Variants in TMEM132E observed in about 807,000 individuals in gnomAD.
TMEM132E encodes transmembrane protein 132E.
A neutral mutation model predicts 78.5 loss-of-function variants in TMEM132E; 49 were observed. The observed-to-expected ratio is 0.62, with a 90% CI of 0.50 to 0.79. TMEM132E has a LOEUF of 0.79. Ranked by LOEUF, TMEM132E falls within the 30% of genes least tolerant of loss-of-function variation. TMEM132E has a pLI of 0.00. For synonymous variants in TMEM132E, 715 were observed against 670.6 expected, an observed-to-expected ratio of 1.07 and a Z score of -1.02; for missense variants, 1,403 against 1,470.9, an observed-to-expected ratio of 0.95 and a Z score of 0.75.
chr17:34,629,804 G>A (rs1452986839), intron 4 of TMEM132E, among the ~76,000 whole-genome samples: 3 of 152,122 alleles, frequency 2.0e-5, no homozygotes, highest in African/African-American at 7.2e-5. Context: ...TGAGGTTCCT[G>A]CAAAAGCCCG....
In TMEM132E at chr17:34,626,181, C is replaced by A; in HGVS notation, c.122C>A (p.Pro41Gln). The A allele has an allele frequency of 6.4e-7, 1 of 1,564,404 alleles. No individual in the cohort carries two copies. The highest frequency in any genetic ancestry group is 8.7e-7 in the Non-Finnish European group (1 of 1,155,184). The change falls in exon 2 of 9, where the codon CCG becomes CAG. Residue 41 changes from proline to glutamine, a missense_variant. Around this residue, in one of 3 missense-constraint regions of TMEM132E, gnomAD observed 511 missense variants for 499.0 expected, o/e 1.02. Coordinates refer to ENST00000631683, the MANE Select transcript of TMEM132E (RefSeq NM_001304438.2). The part of the protein sequence containing the change: ...SPSPPGPQAS[P>Q]VLPVSYRLSH... ...AGCCCGCCGGGGCCGCAGGCCAGCC[C>A]GGTGCTGCCAGTCAGCTACCGCCTG...
Position 34,620,067 on chromosome 17 carries a change from T to A in TMEM132E, c.68-6060T>A, listed in dbSNP as rs371197063. On this transcript the variant is annotated intron_variant, in intron 1 of 8. Coordinates refer to ENST00000631683, the MANE Select transcript of TMEM132E (RefSeq NM_001304438.2). ...AGAGGTAGAAGCAGGAGGCATCAGATCTTGATTAGAAGCAGAGACATGGCC... is the reference window on the plus strand; with the variant it reads ...AGAGGTAGAAGCAGGAGGCATCAGAACTTGATTAGAAGCAGAGACATGGCC... 3.3e-5 allele frequency among the ~76,000 whole-genome samples: 5 copies of A among 152,358 alleles called. No homozygotes were observed. In the South Asian group the frequency reaches 8.3e-4, roughly 25 times the overall value.
In TMEM132E at chr17:34,635,061, C is replaced by T; in HGVS notation, c.1951C>T (p.Leu651=). Reference sequence around the variant, plus strand: ...GGTGGACAGCAGCACGCTGGCAGGACTGGAGCCAGGCACCACCCCCTTTAA... The same window carrying T: ...GGTGGACAGCAGCACGCTGGCAGGATTGGAGCCAGGCACCACCCCCTTTAA... ...HMVDSSTLAG[L]EPGTTPFKVV... is the part of the protein sequence containing the mutation. Residue 651 remains leucine (L), a synonymous_variant, in exon 7 of 9, where the codon CTG becomes TTG. Transcript: ENST00000631683. 1 of 1,613,648 alleles carries T rather than the reference C, an allele frequency of 6.2e-7. No homozygotes were observed. The highest frequency in any genetic ancestry group is 8.5e-7 in the Non-Finnish European group (1 of 1,179,776).
chr17:34,623,626 T>C (rs1436408957), intron 1 of TMEM132E, among the ~76,000 whole-genome samples: 3 of 152,038 alleles, frequency 2.0e-5, no homozygotes, highest in African/African-American at 7.2e-5. Context: ...ACTCTCAACA[T>C]CCCTGTGAGG....
intron 1 of TMEM132E, among the ~76,000 whole-genome samples, chr17:34,612,911 G>T (rs1221362725): frequency 6.6e-6 from 1 of 152,056 alleles, no homozygotes; most frequent in African/African-American, 2.4e-5. Context: ...CAGAGTTATT[G>T]TGAGGTTGGG....
Position 34,637,975 on chromosome 17 carries a change from T to C in TMEM132E, c.2968T>C (p.Ser990Pro). ...QSQVHGRGDGSSGGSARDQAE... is the reference protein window; with the variant it reads ...QSQVHGRGDGPSGGSARDQAE... Reference sequence around the variant, plus strand: ...CCAGGTGCACGGCAGGGGCGACGGCTCCTCGGGCGGCTCAGCCCGAGACCA... The same window carrying C: ...CCAGGTGCACGGCAGGGGCGACGGCCCCTCGGGCGGCTCAGCCCGAGACCA... The change falls in exon 9 of 9, where the codon TCC (serine) becomes CCC (proline). Residue 990 changes from serine (S) to proline (P), a missense_variant. Ser to Pro is a moderately conservative substitution (Grantham distance 74, BLOSUM62 -1). Coordinates refer to ENST00000631683, the MANE Select transcript of TMEM132E (RefSeq NM_001304438.2). 1.3e-6 allele frequency: 2 copies of C among 1,594,524 alleles called. No individual in the cohort carries two copies. Among genetic ancestry groups the C allele is most frequent in the Non-Finnish European group, 1.7e-6 (2 of 1,171,750 alleles).
intron 1 of TMEM132E, among the ~76,000 whole-genome samples, chr17:34,599,838 G>A (rs1490584823): frequency 6.6e-6 from 1 of 152,088 alleles, no homozygotes; most frequent in African/African-American, 2.4e-5. Context: ...TGGGGAGGGG[G>A]CCAGAATCAC....
chr17:34,596,150 C>G (rs1906053209), intron 1 of TMEM132E, among the ~76,000 whole-genome samples: 1 of 152,150 alleles, frequency 6.6e-6, no homozygotes, highest in South Asian at 2.1e-4. Context: ...GAGATTTCCC[C>G]TGTCTGGGGT....
At chr17:34,627,467 C>CGTGTGCGTGTGTGT (rs146318983) in intron 2 of TMEM132E, among the ~76,000 whole-genome samples, 37 of 126,540 alleles carry the variant, frequency 2.9e-4, no homozygotes, top group African/African-American at 1.1e-3. Flanking sequence ...CCAAAAGAAT[C>CGTGTGCGTGTGTGT]GTGTGTGTGT....
At chr17:34,623,168 G>C (rs1037925892) in intron 1 of TMEM132E, among the ~76,000 whole-genome samples, 2 of 151,704 alleles carry the variant, frequency 1.3e-5, no homozygotes, top group African/African-American at 4.9e-5. Context: ...TCCTCCCCCA[G>C]GGGGGGTGAG....
At chr17:34,611,221 G>A (rs1178052337) in intron 1 of TMEM132E, among the ~76,000 whole-genome samples, 1 of 152,250 alleles carries the variant, frequency 6.6e-6, no homozygotes, top group African/African-American at 2.4e-5. Flanking sequence ...AGACCTGGGG[G>A]TGTGGGTTGG....
chr17:34,621,851 A>G (rs573814058), intron 1 of TMEM132E, among the ~76,000 whole-genome samples: 18 of 152,094 alleles, frequency 1.2e-4, no homozygotes, highest in Admixed American at 9.2e-4. Flanking sequence ...CTCCCAGGTC[A>G]GTCTGGAGGG....
At position 34,583,125 on chromosome 17, in the gene TMEM132E, T is replaced by A. The variant is rs546108885; in HGVS notation, c.67+1982T>A. Among the ~76,000 whole-genome samples, 36 of 152,352 alleles carry A rather than the reference T, an allele frequency of 2.4e-4. No individual in the cohort carries two copies. In the South Asian group the frequency reaches 5.8e-3, roughly 25 times the overall value. On this transcript the variant is annotated intron_variant, in intron 1 of 8. Transcript: ENST00000631683. ...CTCTCTGTGCCCCAGTAGTCCTGGA[T>A]TGGTGGAGGCAGAGCCATGGGCTTA...
Position 34,626,532 on chromosome 17 carries a change from T to C in TMEM132E, c.473T>C (p.Val158Ala), listed in dbSNP as rs751042129. The stretch of plus-strand genomic sequence containing the variant: ...GGCCGGGACTGGGACGACTTCGGCG[T>C]CACCGAGCGGCTGCCCTGTGTCCGC... The part of the protein sequence containing the change: ...VAGRDWDDFG[V>A]TERLPCVRLH... Residue 158 changes from valine (V) to alanine (A), a missense_variant, in exon 2 of 9, where the codon GTC becomes GCC. By Grantham distance (64) the Val-to-Ala change is moderately conservative. Transcript: ENST00000631683. 6.2e-7 allele frequency: 1 copy of C among 1,600,704 alleles called. No homozygotes were observed. The highest frequency in any genetic ancestry group is 8.5e-7 in the Non-Finnish European group (1 of 1,176,836).
Position 34,637,256 on chromosome 17 carries a change from G to A in TMEM132E, c.2249G>A (p.Gly750Glu). Residue 750 changes from glycine (G) to glutamate (E), a missense_variant, in exon 9 of 9, where the codon GGA (glycine) becomes GAA (glutamate). Coordinates refer to ENST00000631683, the MANE Select transcript of TMEM132E (RefSeq NM_001304438.2). ...TCCCTCTACAGCCCACGAGACTATGGACTGCTAGTGAGCAGCCTGGATGAG... is the reference window on the plus strand; with the variant it reads ...TCCCTCTACAGCCCACGAGACTATGAACTGCTAGTGAGCAGCCTGGATGAG... Reference protein sequence around the residue: ...PLSLYSPRDYGLLVSSLDEHV... With the variant: ...PLSLYSPRDYELLVSSLDEHV... 2 of 1,614,038 alleles carry A rather than the reference G, an allele frequency of 1.2e-6. No individual in the cohort carries two copies. Among genetic ancestry groups the A allele is most frequent in the Non-Finnish European group, 1.7e-6 (2 of 1,180,018 alleles).
chr17:34,581,062 G>GC lies in TMEM132E; in HGVS notation c.-10dup. On this transcript the variant is annotated 5_prime_UTR_variant, in exon 1 of 9. Transcript: ENST00000631683. The stretch of plus-strand genomic sequence containing the variant: ...ACTGTTGCTCTCTCGGACCCCTCCC[G>GC]CCCCCGCCTCGGCCATGGCCCCGGG... 6.5e-7 allele frequency: 1 copy of GC among 1,539,234 alleles called. No individual in the cohort carries two copies. Among genetic ancestry groups the GC allele is most frequent in the Non-Finnish European group, 8.7e-7 (1 of 1,148,420 alleles).
intron 1 of TMEM132E, chr17:34,614,698 C>T (rs919875730): frequency 6.6e-6 from 1 of 152,404 alleles, no homozygotes; most frequent in East Asian, 1.9e-4. Context: ...TGCCTGGACT[C>T]TCCATGCAAC....
chr17:34,619,260 G>A (rs1906878313), intron 1 of TMEM132E, among the ~76,000 whole-genome samples: 1 of 151,582 alleles, frequency 6.6e-6, no homozygotes, highest in African/African-American at 2.4e-5. Context: ...CACTGTTCTA[G>A]GCTCGGGGTA....
At chr17:34,586,477 G>C (rs1002880506) in intron 1 of TMEM132E, among the ~76,000 whole-genome samples, 2 of 151,898 alleles carry the variant, frequency 1.3e-5, no homozygotes, top group African/African-American at 4.8e-5. Flanking sequence ...CGGGTCTCTG[G>C]GGGACAAATG....
Sources: gnomAD v4.1 joint callset for allele counts (sites outside exome capture counted in the v4.1 genomes callset) on GRCh38, gnomAD v4.1.1 for gene constraint, gnomAD v4.1.1 regional missense constraint, MANE v1.5 for transcripts, NCBI Gene and HGNC (gene_info 2026-07-23, HGNC 2026-07-21) for gene names.